Variants in MYLK observed in about 807,000 individuals in gnomAD.
MYLK encodes myosin light chain kinase.
MYLK carries 106 observed loss-of-function variants against 203.4 expected under a neutral mutation model. That is an observed-to-expected ratio of 0.52 (90% CI 0.45 to 0.61). MYLK has a LOEUF of 0.61. MYLK is among the 20% of genes least tolerant of loss of function. The pLI is 0.00. For missense variants in MYLK, 2,072 were observed against 2,442.3 expected (o/e 0.85, Z 3.20); for synonymous variants, 867 against 959.5 (o/e 0.90, Z 1.78).
intron 4 of MYLK, among the ~76,000 whole-genome samples, chr3:123,769,270 C>G (rs983358324): frequency 6.6e-6 from 1 of 152,154 alleles, no homozygotes. Context: ...CATCAAAATA[C>G]TGGAACTCCA....
intron 12 of MYLK, 82 bp downstream of exon 12, chr3:123,725,862 G>A: frequency 6.4e-7 from 1 of 1,559,448 alleles, no homozygotes; most frequent in Non-Finnish European, 8.7e-7. Flanking sequence ...GGCATAAATG[G>A]CTCAGAGGGA....
At chr3:123,872,807 C>T (rs918206618) in intron 2 of MYLK, among the ~76,000 whole-genome samples, 9 of 152,184 alleles carry the variant, frequency 5.9e-5, no homozygotes, top group East Asian at 1.9e-4. Flanking sequence ...ATGGAGGTTC[C>T]GTTACATAGG....
intron 2 of MYLK, among the ~76,000 whole-genome samples, chr3:123,837,483 T>C (rs1030887416): frequency 2.0e-5 from 3 of 147,690 alleles, no homozygotes; most frequent in African/African-American, 7.4e-5. Context: ...ACATATTATA[T>C]ATAATTATAT....
At chr3:123,811,298 A>G (rs11712609) in intron 3 of MYLK, among the ~76,000 whole-genome samples, 27,719 of 152,162 alleles carry the variant, frequency 0.18, 2,981 homozygotes, top group Non-Finnish European at 0.25. Flanking sequence ...AGTACAGGCA[A>G]ATGCAGGGCC....
chr3:123,674,100 C>G (rs546211571), intron 20 of MYLK, among the ~76,000 whole-genome samples: 4 of 152,252 alleles, frequency 2.6e-5, no homozygotes, highest in South Asian at 2.1e-4. Flanking sequence ...ACCATCATCT[C>G]CCAGGGAGAT....
chr3:123,842,950 C>T (rs565067688), intron 2 of MYLK, among the ~76,000 whole-genome samples: 16 of 152,334 alleles, frequency 1.1e-4, no homozygotes, highest in South Asian at 4.1e-4. Flanking sequence ...GCTGCTGGGA[C>T]GGACACCATG....
intron 18 of MYLK, among the ~76,000 whole-genome samples, chr3:123,693,970 A>T (rs1025348147): frequency 3.9e-5 from 6 of 152,226 alleles, no homozygotes; most frequent in African/African-American, 1.4e-4. Context: ...AGCCACTGGC[A>T]TTGGGAGGGA....
At chr3:123,681,522 G>C (rs897157908) in intron 20 of MYLK, 5 of 153,224 alleles carry the variant, frequency 3.3e-5, no homozygotes, top group Non-Finnish European at 7.3e-5. Context: ...GCTGAGGTGA[G>C]GAAGAACTCA....
chr3:123,834,941 A>T lies in MYLK; in HGVS notation c.-126-3271T>A, dbSNP rs72972365. ...TGTCTTATGAGGCATAACGAGCCTG[A>T]AGGGTATTGTTGGCTGGACAGAGAG... On this transcript the variant is annotated intron_variant, in intron 2 of 33. Coordinates refer to ENST00000360304, the MANE Select transcript of MYLK (RefSeq NM_053025.4). 5.9e-3 allele frequency among the ~76,000 whole-genome samples: 900 copies of T among 152,332 alleles called. 4 individuals are homozygous for T. The highest frequency in any genetic ancestry group is 0.019 in the African/African-American group (782 of 41,582).
chr3:123,805,695 C>A (rs556821893), intron 3 of MYLK, among the ~76,000 whole-genome samples: 1 of 152,334 alleles, frequency 6.6e-6, no homozygotes, highest in African/African-American at 2.4e-5. Context: ...GGAGCCATCA[C>A]GTCACAGGCT....
At chr3:123,624,766 C>A (rs2058053822) in intron 31 of MYLK, 1 of 152,258 alleles carries the variant, frequency 6.6e-6, no homozygotes, top group Non-Finnish European at 1.5e-5. Context: ...GCCTGGAGAC[C>A]CACCTTCCCA....
chr3:123,721,086 C>T (rs1263289718), intron 13 of MYLK, among the ~76,000 whole-genome samples: 1 of 152,214 alleles, frequency 6.6e-6, no homozygotes, highest in Non-Finnish European at 1.5e-5. Context: ...CTACTGAGGT[C>T]TCAGTGAGAG....
rs370154845 is a variant in MYLK at position 123,707,961 on chromosome 3, C to T, written c.2183G>A (p.Arg728His). ...GTQPWFISKP[R>H]SVTASLGQSV... ...CTGGCCCAGGGAGGCTGTCACTGAG[C>T]GAGGCTTACTGATGAACCAGGGCTG... Residue 728 changes from arginine (R) to histidine (H), a missense_variant, in exon 16 of 34, where the codon CGC becomes CAC. Around this residue, in one of 3 missense-constraint regions of MYLK, gnomAD observed 865 missense variants for 1,016.0 expected, o/e 0.85. Coordinates refer to ENST00000360304, the MANE Select transcript of MYLK (RefSeq NM_053025.4). 4.7e-5 allele frequency: 76 copies of T among 1,614,010 alleles called. No homozygotes were observed. The highest frequency in any genetic ancestry group is 2.0e-4 in the South Asian group (18 of 91,066).
chr3:123,877,431 C>T (rs978116471), intron 1 of MYLK, among the ~76,000 whole-genome samples: 10 of 152,164 alleles, frequency 6.6e-5, no homozygotes, highest in South Asian at 2.1e-4. Context: ...TGAGCTAGTA[C>T]GGTCTGGTCA....
In MYLK at chr3:123,709,119, G is replaced by A. The variant is rs115084689; in HGVS notation, c.1943-224C>T. The A allele has an allele frequency of 2.5e-3, 1,068 of 423,992 alleles. 13 individuals are homozygous for A. Among genetic ancestry groups the A allele is most frequent in the African/African-American group, 0.02 (989 of 48,818 alleles). 26.3% of individuals were successfully genotyped at this position (423,992 alleles called of 1,614,324 possible). On this transcript the variant is annotated intron_variant, in intron 14 of 33. Transcript: ENST00000360304. Reference sequence around the variant, plus strand: ...AACTGAGAACATCTTCTGAGATTTGGGAAGTTCTCACATAATTTTTTTTTT... The same window carrying A: ...AACTGAGAACATCTTCTGAGATTTGAGAAGTTCTCACATAATTTTTTTTTT...
intron 3 of MYLK, among the ~76,000 whole-genome samples, chr3:123,807,001 T>C (rs2065391728): frequency 6.6e-6 from 1 of 152,060 alleles, no homozygotes; most frequent in Non-Finnish European, 1.5e-5. Flanking sequence ...ACTTTATGGA[T>C]GGAACACCCG....
chr3:123,645,683 C>CGTTT (rs534338895), intron 27 of MYLK, among the ~76,000 whole-genome samples: 220 of 152,290 alleles, frequency 1.4e-3, no homozygotes, highest in African/African-American at 4.8e-3. Flanking sequence ...AGGTTACAAA[C>CGTTT]GATGCTTGTT....
chr3:123,784,435 T>G (rs1382461650), intron 4 of MYLK, among the ~76,000 whole-genome samples: 1 of 145,256 alleles, frequency 6.9e-6, no homozygotes, highest in Non-Finnish European at 1.5e-5. Context: ...AGTCACATAC[T>G]TAAACCTGTT....
intron 2 of MYLK, among the ~76,000 whole-genome samples, chr3:123,840,848 C>T (rs968922479): frequency 6.6e-5 from 10 of 151,952 alleles, no homozygotes; most frequent in African/African-American, 1.9e-4. Context: ...GACAAAATTC[C>T]GTTTTCATTC....
Sources: gnomAD v4.1 joint callset for allele counts (sites outside exome capture counted in the v4.1 genomes callset) on GRCh38, gnomAD v4.1.1 for gene constraint, gnomAD v4.1.1 regional missense constraint, MANE v1.5 for transcripts, NCBI Gene and HGNC (gene_info 2026-07-23, HGNC 2026-07-21) for gene names.